Variants in FILIP1 observed in about 807,000 individuals in gnomAD.
FILIP1 encodes the protein filamin-A-interacting protein 1.
A neutral mutation model predicts 102.1 loss-of-function variants in FILIP1; 61 were observed. The observed-to-expected ratio is 0.60, with a 90% CI of 0.49 to 0.74. The LOEUF (loss-of-function observed/expected upper bound fraction) is 0.74, where lower values mean the gene tolerates loss of function less well. Ranked by LOEUF, FILIP1 falls within the 30% of genes least tolerant of loss-of-function variation. The pLI is 0.00. For missense variants in FILIP1, 1,314 were observed against 1,441.2 expected, an observed-to-expected ratio of 0.91 and a Z score of 1.43; for synonymous variants, 491 against 526.9, an observed-to-expected ratio of 0.93 and a Z score of 0.93.
At chr6:75,332,486 C>CCCTT (rs1441885649) in intron 4 of FILIP1, among the ~76,000 whole-genome samples, 1 of 152,152 alleles carries the variant, frequency 6.6e-6, no homozygotes, top group Non-Finnish European at 1.5e-5. Flanking sequence ...TCCAGGTGGC[C>CCCTT]CCTTCACCTT....
chr6:75,402,914 A>T (rs1776706231), intron 2 of FILIP1, among the ~76,000 whole-genome samples: 1 of 152,198 alleles, frequency 6.6e-6, no homozygotes, highest in East Asian at 1.9e-4. Context: ...CATAGGGTGT[A>T]TAAATATTAG....
intron 4 of FILIP1, chr6:75,319,028 CTT>C: frequency 1.4e-6 from 1 of 699,880 alleles, no homozygotes; most frequent in South Asian, 1.5e-5. Flanking sequence ...CTAGAACCAA[CTT>C]ATTCATCATC....
intron 1 of FILIP1, among the ~76,000 whole-genome samples, chr6:75,436,321 G>C (rs1243168919): frequency 6.6e-6 from 1 of 150,926 alleles, no homozygotes; most frequent in Non-Finnish European, 1.5e-5. Flanking sequence ...AGTGAGCCAA[G>C]ATTGCGCCAC....
intron 4 of FILIP1, among the ~76,000 whole-genome samples, chr6:75,349,105 T>A (rs551612920): frequency 6.6e-6 from 1 of 152,342 alleles, no homozygotes; most frequent in South Asian, 2.1e-4. Context: ...ACCTGTAGAA[T>A]GAGGGATTTG....
At chr6:75,324,697 G>T (rs1042642667) in intron 4 of FILIP1, among the ~76,000 whole-genome samples, 4 of 152,140 alleles carry the variant, frequency 2.6e-5, no homozygotes, top group Non-Finnish European at 5.9e-5. Context: ...ATGCTAGAAG[G>T]CCATATTCAC....
chr6:75,428,104 C>T (rs1777691642), intron 1 of FILIP1, among the ~76,000 whole-genome samples: 1 of 152,138 alleles, frequency 6.6e-6, no homozygotes. Context: ...TATCTTTTTC[C>T]TCCTCTTCCC....
chr6:75,432,861 G>A (rs1777875629), intron 1 of FILIP1, among the ~76,000 whole-genome samples: 1 of 151,910 alleles, frequency 6.6e-6, no homozygotes, highest in African/African-American at 2.4e-5. Context: ...GCCCCGGTGT[G>A]TGATGTTCTC....
chr6:75,385,723 A>G (rs544762050), intron 2 of FILIP1: 3 of 152,270 alleles, frequency 2.0e-5, no homozygotes, highest in Admixed American at 6.5e-5. Context: ...ATGTTGGAAA[A>G]ACTTAATTTT....
intron 5 of FILIP1, among the ~76,000 whole-genome samples, chr6:75,309,626 A>G (rs1048964998): frequency 3.3e-5 from 5 of 152,094 alleles, no homozygotes; most frequent in African/African-American, 1.2e-4. Flanking sequence ...CTTATTCCCA[A>G]CTACTCACTG....
intron 1 of FILIP1, among the ~76,000 whole-genome samples, chr6:75,477,457 AT>A (rs1330338148): frequency 5.3e-5 from 8 of 152,164 alleles, no homozygotes; most frequent in Non-Finnish European, 1.0e-4. Context: ...TAGGTGATGA[AT>A]ATTAATTAGC....
intron 4 of FILIP1, among the ~76,000 whole-genome samples, chr6:75,348,599 A>C (rs569800328): frequency 6.6e-6 from 1 of 152,322 alleles, no homozygotes; most frequent in East Asian, 1.9e-4. Flanking sequence ...TGAGTTAAGC[A>C]ATTCCTGGAA....
At chr6:75,327,754 A>T (rs1403366084) in intron 4 of FILIP1, among the ~76,000 whole-genome samples, 1 of 151,930 alleles carries the variant, frequency 6.6e-6, no homozygotes, top group Non-Finnish European at 1.5e-5. Flanking sequence ...AAATTAATAA[A>T]TGAAAACATG....
chr6:75,453,995 G>C, intron 1 of FILIP1: 1 of 456,678 alleles, frequency 2.2e-6, no homozygotes, highest in South Asian at 1.5e-5. Context: ...AAATTTCAAG[G>C]CTTAAAACAA....
intron 1 of FILIP1, among the ~76,000 whole-genome samples, chr6:75,452,172 A>G (rs1379808430): frequency 6.6e-6 from 1 of 151,332 alleles, no homozygotes; most frequent in African/African-American, 2.4e-5. Context: ...GGTTTGTTAC[A>G]TATGTATACA....
intron 2 of FILIP1, among the ~76,000 whole-genome samples, chr6:75,407,690 G>A (rs1231151209): frequency 6.6e-6 from 1 of 152,108 alleles, no homozygotes; most frequent in Non-Finnish European, 1.5e-5. Context: ...GCACTATCCA[G>A]CTGTGTAATC....
At position 75,308,320 on chromosome 6, in the gene FILIP1, C is replaced by A; in HGVS notation, c.*371G>T. The A allele has an allele frequency of 2.0e-6, 2 of 1,009,032 alleles. No homozygotes were observed. Among genetic ancestry groups the A allele is most frequent in the Non-Finnish European group, 2.4e-6 (2 of 843,714 alleles). 62.5% of individuals were successfully genotyped at this position (1,009,032 alleles called of 1,614,324 possible). A position where few individuals can be genotyped will look rare whatever the true frequency, so the allele number is the denominator to read the frequency against. On this transcript the variant is annotated 3_prime_UTR_variant, in exon 6 of 6. Transcript: ENST00000237172. ...TAAAAAATTATTGTGGAACAAGGTA[C>A]ATTAAATTTGGCTTGCAATTAGGAA...
In FILIP1 at chr6:75,295,673, C is replaced by A. The variant is rs1772648986; in HGVS notation, c.*237G>T. ...TGTGCCCATAGACCTGAAAGCTTTG[C>A]AAAAAGAAATTTCTTTTGGCACATA... On this transcript the variant is annotated 3_prime_UTR_variant, in exon 7 of 7. Coordinates refer to the FILIP1 transcript ENST00000393004. 8.6e-6 allele frequency: 3 copies of A among 346,846 alleles called. No individual in the cohort carries two copies. In the East Asian group the frequency reaches 1.3e-4, roughly 15 times the overall value. 21.5% of individuals were successfully genotyped at this position (346,846 alleles called of 1,614,324 possible).
chr6:75,433,364 C>T (rs1224789962), intron 1 of FILIP1, among the ~76,000 whole-genome samples: 6 of 152,190 alleles, frequency 3.9e-5, no homozygotes, highest in Non-Finnish European at 7.3e-5. Flanking sequence ...TTAATGATCA[C>T]CATTCTAACT....
chr6:75,301,028 A>G (rs1772823482), intron 6 of FILIP1, among the ~76,000 whole-genome samples: 1 of 152,240 alleles, frequency 6.6e-6, no homozygotes, highest in Admixed American at 6.5e-5. Context: ...GTAATGGAAA[A>G]ATAGGTAAGT....
Sources: gnomAD v4.1 joint callset for allele counts (sites outside exome capture counted in the v4.1 genomes callset) on GRCh38, gnomAD v4.1.1 for gene constraint, MANE v1.5 for transcripts, NCBI Gene and HGNC (gene_info 2026-07-23, HGNC 2026-07-21) for gene names.